Variants in SGPL1 observed in about 807,000 individuals in gnomAD.
SGPL1 encodes sphingosine-1-phosphate lyase 1.
Under a neutral mutation model 68.9 loss-of-function variants are expected in SGPL1, and 37 were observed. The observed-to-expected ratio is 0.54, with a 90% CI of 0.41 to 0.71. The LOEUF (loss-of-function observed/expected upper bound fraction) is 0.71. Ranked by LOEUF, SGPL1 falls within the 30% of genes least tolerant of loss-of-function variation. The pLI is 0.00. For missense variants in SGPL1, 551 were observed against 704.6 expected (o/e 0.78, Z 2.47); for synonymous variants, 236 against 248.5 (o/e 0.95, Z 0.47).
Position 70,876,620 on chromosome 10 carries a change from A to G in SGPL1, c.1525A>G (p.Thr509Ala), listed in dbSNP as rs932631265. 2.5e-6 allele frequency: 4 copies of G among 1,613,650 alleles called. No homozygotes were observed. In the Admixed American group the frequency reaches 6.7e-5, roughly 27 times the overall value. ...CCTAAAGGACATTCGAGAATCTGTC[A>G]CTCAAATCATGAAGAATCCTAAAGC... The part of the protein sequence containing the change: ...QFLKDIRESV[T>A]QIMKNPKAKT... The change falls in exon 14 of 15, where the codon ACT (threonine) becomes GCT (alanine). Residue 509 changes from threonine to alanine, a missense_variant. Thr to Ala is a moderately conservative substitution (Grantham distance 58). Coordinates refer to ENST00000373202, the MANE Select transcript of SGPL1 (RefSeq NM_003901.4).
At position 70,877,231 on chromosome 10, in the gene SGPL1, AG is replaced by A. The variant is rs777196613; in HGVS notation, c.1605del (p.Asn536IlefsTer26). ...TGGCATGGCCCAGACAACTGTTGAC[AG>A]GAATATGGTTGCAGAATTGTCCTCA... is the stretch of plus-strand genomic sequence containing the variant. ...IYGMAQTTVD[R>X]NMVAELSSVF... On this transcript the variant is annotated frameshift_variant, in exon 15 of 15. Transcript: ENST00000373202. LOFTEE classifies it high-confidence loss of function. 6.2e-7 allele frequency: 1 copy of A among 1,614,182 alleles called. No homozygotes were observed. The highest frequency in any genetic ancestry group is 2.2e-5 in the East Asian group (1 of 44,890).
At chr10:70,874,323 T>C (rs888702155) in intron 12 of SGPL1, among the ~76,000 whole-genome samples, 1 of 152,230 alleles carries the variant, frequency 6.6e-6, no homozygotes, top group Admixed American at 6.5e-5. Context: ...GGCTCCGGCC[T>C]GTAATCCCAG....
chr10:70,861,491 C>T (rs889958078), intron 7 of SGPL1, among the ~76,000 whole-genome samples: 2 of 152,196 alleles, frequency 1.3e-5, no homozygotes, highest in African/African-American at 4.8e-5. Flanking sequence ...GCAGTCCTCA[C>T]AGCCCTCGCT....
intron 7 of SGPL1, among the ~76,000 whole-genome samples, chr10:70,865,775 C>G (rs904021427): frequency 6.6e-6 from 1 of 152,234 alleles, no homozygotes; most frequent in Non-Finnish European, 1.5e-5. Context: ...ATAGAGGTAA[C>G]TTCACATACT....
chr10:70,844,840 A>G (rs1845767503), intron 3 of SGPL1, among the ~76,000 whole-genome samples: 1 of 152,150 alleles, frequency 6.6e-6, no homozygotes, highest in South Asian at 2.1e-4. Flanking sequence ...CCCAGGTTCA[A>G]GTGATTCTCC....
At position 70,879,923 on chromosome 10, in the gene SGPL1, C is replaced by T. The variant is rs1480170648; in HGVS notation, c.*2588C>T. On this transcript the variant is annotated 3_prime_UTR_variant, in exon 15 of 15. Coordinates refer to ENST00000373202, the MANE Select transcript of SGPL1 (RefSeq NM_003901.4). ...TGTACTGTCTTGTTTCTGCATTAGA[C>T]TTAAGTAGTCATGTGAATATACTGC... is the stretch of plus-strand genomic sequence containing the variant. The T allele has an allele frequency of 6.6e-6, 1 of 152,616 alleles. No individual in the cohort carries two copies. The highest frequency in any genetic ancestry group is 1.5e-5 in the Non-Finnish European group (1 of 68,028). 9.5% of individuals were successfully genotyped at this position (152,616 alleles called of 1,614,324 possible). A position where few individuals can be genotyped will look rare whatever the true frequency, so the allele number is the denominator to read the frequency against.
At chr10:70,865,302 C>CT (rs763488367) in intron 7 of SGPL1, among the ~76,000 whole-genome samples, 15 of 149,254 alleles carry the variant, frequency 1.0e-4, no homozygotes, top group African/African-American at 3.7e-4. Context: ...GATTTTGACT[C>CT]TTTTCTCTCC....
chr10:70,876,388 C>T (rs974767047), intron 13 of SGPL1, among the ~76,000 whole-genome samples, 153 bp from the exon 14 acceptor site: 9 of 152,176 alleles, frequency 5.9e-5, no homozygotes, highest in African/African-American at 2.2e-4. Context: ...ATGAGAGAGC[C>T]GAGATTCCCA....
At chr10:70,830,364 G>A (rs1845512536) in intron 2 of SGPL1, among the ~76,000 whole-genome samples, 1 of 152,170 alleles carries the variant, frequency 6.6e-6, no homozygotes, top group South Asian at 2.1e-4. Context: ...TCTACTTTGT[G>A]TAGATTTGCT....
At chr10:70,851,017 T>A (rs1458498464) in intron 3 of SGPL1, 126 bp from the exon 4 acceptor site, 6 of 719,052 alleles carry the variant, frequency 8.3e-6, no homozygotes, top group Non-Finnish European at 1.4e-5. Flanking sequence ...TTTAAAATTT[T>A]TTAAACGAAA....
chr10:70,821,816 T>C (rs1845343377), intron 2 of SGPL1, among the ~76,000 whole-genome samples: 1 of 152,222 alleles, frequency 6.6e-6, no homozygotes, highest in South Asian at 2.1e-4. Context: ...TTAACGTGTC[T>C]GTTATTGTCT....
Position 70,877,808 on chromosome 10 carries a change from C to CTTTTTTTTTTTTTTTTTTTTTTTTTTTTT in SGPL1, c.*497_*498insTTTTTTTTTTTTTTTTTTTTTTTTTTTTT. 1 of 64,720 alleles carries CTTTTTTTTTTTTTTTTTTTTTTTTTTTTT rather than the reference C, an allele frequency of 1.5e-5. No homozygotes were observed. The highest frequency in any genetic ancestry group is 2.8e-5 in the Non-Finnish European group (1 of 35,522). 4.0% of individuals were successfully genotyped at this position (64,720 alleles called of 1,614,324 possible). A position where few individuals can be genotyped will look rare whatever the true frequency, so the allele number is the denominator to read the frequency against. On this transcript the variant is annotated 3_prime_UTR_variant, in exon 15 of 15. Transcript: ENST00000373202. ...AGGAGGCTTTTTCAGCCTTCTCTCT[C>CTTTTTTTTTTTTTTTTTTTTTTTTTTTTT]TTTTTTTTTTTTTTTTTTTTTTTTG...
chr10:70,862,223 A>G (rs998246148), intron 7 of SGPL1, among the ~76,000 whole-genome samples: 1 of 152,206 alleles, frequency 6.6e-6, no homozygotes. Context: ...TAAACACACC[A>G]ATCAGCACCC....
intron 2 of SGPL1, among the ~76,000 whole-genome samples, chr10:70,825,003 C>T (rs1305777603): frequency 7.1e-6 from 1 of 139,868 alleles, no homozygotes; most frequent in Non-Finnish European, 1.5e-5. Flanking sequence ...CTTGCTCTGT[C>T]GCCCAGGCTA....
chr10:70,843,043 A>G (rs542495439), intron 2 of SGPL1, among the ~76,000 whole-genome samples: 2 of 152,300 alleles, frequency 1.3e-5, no homozygotes, highest in African/African-American at 4.8e-5. Context: ...TGCAGCTACT[A>G]TCCTCTCTTT....
chr10:70,822,400 G>A (rs1195797819), intron 2 of SGPL1, among the ~76,000 whole-genome samples: 2 of 152,168 alleles, frequency 1.3e-5, no homozygotes, highest in Non-Finnish European at 2.9e-5. Context: ...TTCAGTCTAT[G>A]TGTCAGGAAT....
intron 2 of SGPL1, among the ~76,000 whole-genome samples, chr10:70,831,526 A>G (rs746085145): frequency 1.3e-5 from 2 of 152,304 alleles, no homozygotes; most frequent in Non-Finnish European, 2.9e-5. Context: ...ACTCAGGGAA[A>G]CATTTACTTA....
intron 7 of SGPL1, among the ~76,000 whole-genome samples, chr10:70,864,498 A>G (rs192092895): frequency 8.5e-5 from 13 of 152,254 alleles, no homozygotes; most frequent in Admixed American, 2.6e-4. Flanking sequence ...TTAGTTCTGT[A>G]TGGATGCTAC....
chr10:70,868,730 C>T (rs578240534), intron 8 of SGPL1, among the ~76,000 whole-genome samples: 27 of 148,718 alleles, frequency 1.8e-4, no homozygotes, highest in South Asian at 1.6e-3. Context: ...TTGAGGACTA[C>T]ATCTTTGAAT....
Sources: gnomAD v4.1 joint callset for allele counts (sites outside exome capture counted in the v4.1 genomes callset) on GRCh38, gnomAD v4.1.1 for gene constraint, MANE v1.5 for transcripts, NCBI Gene and HGNC (gene_info 2026-07-23, HGNC 2026-07-21) for gene names.